ESD: variants seen among roughly 807,000 people sequenced by gnomAD.
The protein encoded by ESD is esterase D.
Under a neutral mutation model 38.1 loss-of-function variants are expected in ESD, and 34 were observed. That is an observed-to-expected ratio of 0.89 (90% CI 0.68 to 1.19). The LOEUF (loss-of-function observed/expected upper bound fraction) is 1.19. ESD is among the 50% of genes most tolerant of loss of function. The probability of loss-of-function intolerance (pLI) is 0.00; values close to 1 mark genes in which losing one functional copy is unlikely to be tolerated. For missense variants in ESD, 334 were observed against 327.2 expected, an observed-to-expected ratio of 1.02 and a Z score of -0.16; for synonymous variants, 97 against 107.0, an observed-to-expected ratio of 0.91 and a Z score of 0.58.
At chr13:46,792,773 TA>T (rs1346131575) in intron 2 of ESD, among the ~76,000 whole-genome samples, 1 of 152,066 alleles carries the variant, frequency 6.6e-6, no homozygotes, top group Non-Finnish European at 1.5e-5. Flanking sequence ...TAACTTTAGC[TA>T]CTGTTAACAA....
At chr13:46,776,802 C>T (rs563813099) in intron 9 of ESD, 1 of 152,066 alleles carries the variant, frequency 6.6e-6, no homozygotes, top group East Asian at 1.9e-4. Flanking sequence ...TCATTTTTCA[C>T]TCTAAAATAT....
At chr13:46,788,448 G>T (rs1011199259) in intron 3 of ESD, among the ~76,000 whole-genome samples, 3 of 151,958 alleles carry the variant, frequency 2.0e-5, no homozygotes, top group African/African-American at 4.8e-5. Flanking sequence ...TCAATGCAGG[G>T]ATATCTGTTA....
chr13:46,795,556 C>A (rs1383226420), intron 1 of ESD, among the ~76,000 whole-genome samples: 1 of 152,146 alleles, frequency 6.6e-6, no homozygotes, highest in Non-Finnish European at 1.5e-5. Context: ...TAATCCCTTT[C>A]GCTGTTAGGC....
In ESD at chr13:46,777,455, C is replaced by T; in HGVS notation, c.768+1G>A. 6.2e-7 allele frequency: 1 copy of T among 1,600,634 alleles called. No homozygotes were observed. Among genetic ancestry groups the T allele is most frequent in the East Asian group, 2.2e-5 (1 of 44,692 alleles). On this transcript the variant is annotated splice_donor_variant, in intron 9 of 9. Transcript: ENST00000378720. LOFTEE classifies it high-confidence loss of function. ...TCAAGCTAAAGTTTCCTAATACTTG[C>T]CTCTTGCAATCGAAAAACAACGGGG...
chr13:46,785,069 A>G (rs1389830597), intron 4 of ESD, among the ~76,000 whole-genome samples: 2 of 152,072 alleles, frequency 1.3e-5, no homozygotes. Flanking sequence ...AATTTAGCTT[A>G]ATCATCTTTG....
chr13:46,790,301 C>G (rs1317776793), intron 3 of ESD, among the ~76,000 whole-genome samples: 1 of 152,092 alleles, frequency 6.6e-6, no homozygotes, highest in African/African-American at 2.4e-5. Context: ...CACTAAAAAT[C>G]TAGTTGAAAG....
chr13:46,776,005 C>G (rs1874785846), intron 9 of ESD: 1 of 215,538 alleles, frequency 4.6e-6, no homozygotes, highest in Admixed American at 5.4e-5. Context: ...TTTGGGGAAG[C>G]AAATGAGGTA....
chr13:46,788,169 T>A lies in ESD; in HGVS notation c.69-1060A>T, dbSNP rs551223856. Among the ~76,000 whole-genome samples the A allele has an allele frequency of 3.3e-5, 5 of 152,196 alleles. No homozygotes were observed. In the South Asian group the frequency reaches 8.3e-4, roughly 25 times the overall value. On this transcript the variant is annotated intron_variant, in intron 3 of 9. Transcript: ENST00000378720. ...TTTCTTTCAGTTTTTTTTGTTTTCATTGAGCTGGTAATTCTCTCCTTTTTG... is the reference window on the plus strand; with the variant it reads ...TTTCTTTCAGTTTTTTTTGTTTTCAATGAGCTGGTAATTCTCTCCTTTTTG...
chr13:46,773,784 G>A (rs181008353), intron 9 of ESD, among the ~76,000 whole-genome samples: 3 of 152,278 alleles, frequency 2.0e-5, no homozygotes, highest in East Asian at 3.9e-4. Flanking sequence ...GCTGAGCCTC[G>A]GAATTACTTG....
intron 8 of ESD, 40 bp from the exon 9 acceptor site, chr13:46,777,663 A>G: frequency 6.6e-7 from 1 of 1,519,904 alleles, no homozygotes; most frequent in Non-Finnish European, 8.9e-7. Context: ...AAATTCAAAG[A>G]TACTCTTCAG....
At chr13:46,793,293 C>A (rs1875460407) in intron 2 of ESD, 104 bp downstream of exon 2, 1 of 152,318 alleles carries the variant, frequency 6.6e-6, no homozygotes, top group African/African-American at 2.4e-5. Flanking sequence ...TTATATTTTT[C>A]AATAGAATTT....
intron 9 of ESD, among the ~76,000 whole-genome samples, chr13:46,772,976 G>A (rs1010107068): frequency 4.6e-5 from 7 of 152,178 alleles, no homozygotes; most frequent in South Asian, 2.1e-4. Flanking sequence ...GAGCCACTGC[G>A]CCTGGCCTGG....
At chr13:46,780,926 A>T (rs1011926337) in intron 7 of ESD, among the ~76,000 whole-genome samples, 3 of 151,742 alleles carry the variant, frequency 2.0e-5, no homozygotes, top group African/African-American at 7.2e-5. Flanking sequence ...ACACTTCCTT[A>T]TTCAACTCTT....
Position 46,777,638 on chromosome 13 carries a change from G to A in ESD, c.601-15C>T, listed in dbSNP as rs980470615. 2.6e-5 allele frequency: 41 copies of A among 1,575,126 alleles called. No homozygotes were observed. The Admixed American group carries it at 4.6e-4, about 18-fold the overall frequency. ...GCATCATAAGCCTGTAAAAAGAGAA[G>A]TAACATTGAAAAATAAATTCAAAGA... On this transcript the variant is annotated splice_polypyrimidine_tract_variant and intron_variant, in intron 8 of 9. Coordinates refer to ENST00000378720, the MANE Select transcript of ESD (RefSeq NM_001984.2).
At chr13:46,773,017 T>C (rs1019983522) in intron 9 of ESD, among the ~76,000 whole-genome samples, 1 of 152,144 alleles carries the variant, frequency 6.6e-6, no homozygotes, top group African/African-American at 2.4e-5. Context: ...CATTAGTTTG[T>C]TGAGGATAAT....
rs753855127 is a variant in ESD at position 46,771,464 on chromosome 13, G to T, written c.801C>A (p.Thr267=). The T allele has an allele frequency of 5.0e-6, 8 of 1,607,736 alleles. No homozygotes were observed. Among genetic ancestry groups the T allele is most frequent in the South Asian group, 4.4e-5 (4 of 90,692 alleles). The part of the protein sequence containing the change: ...GYDHSYYFIA[T]FITDHIRHHA... ...GATGTCTGATGTGGTCAGTAATAAA[G>T]GTTGCAATGAAGTAGTAGCTATGAT... is the stretch of plus-strand genomic sequence containing the variant. Residue 267 remains threonine, a synonymous_variant, in exon 10 of 10, where the codon ACC becomes ACA. Transcript: ENST00000378720.
chr13:46,772,937 G>A (rs1297215622), intron 9 of ESD, among the ~76,000 whole-genome samples: 1 of 152,122 alleles, frequency 6.6e-6, no homozygotes, highest in East Asian at 1.9e-4. Flanking sequence ...GTCCACCTTA[G>A]CCTCCCAAAG....
At chr13:46,776,233 A>T (rs1874793060) in intron 9 of ESD, 1 of 153,190 alleles carries the variant, frequency 6.5e-6, no homozygotes, top group African/African-American at 2.4e-5. Flanking sequence ...GATGGACACT[A>T]AGAGACAAAC....
chr13:46,791,404 T>G lies in ESD; in HGVS notation c.10A>C (p.Lys4Gln), dbSNP rs775313048. The G allele has an allele frequency of 2.5e-6, 4 of 1,612,518 alleles. No individual in the cohort carries two copies. The Admixed American group carries it at 6.7e-5, about 27-fold the overall frequency. ...AAGCACTTGTTGCTGGAAATCTGCT[T>G]CAATGCCATTCTTTTCCTATTAGTA... MAL[K>Q]QISSNKCFGG... Residue 4 changes from lysine (K) to glutamine (Q), a missense_variant, in exon 3 of 10, where the codon AAG (lysine) becomes CAG (glutamine). Physicochemically the swap from Lys to Gln is moderately conservative, Grantham distance 53. Transcript: ENST00000378720.
Sources: gnomAD v4.1 joint callset for allele counts (sites outside exome capture counted in the v4.1 genomes callset) on GRCh38, gnomAD v4.1.1 for gene constraint, MANE v1.5 for transcripts, NCBI Gene and HGNC (gene_info 2026-07-23, HGNC 2026-07-21) for gene names.